The following TTBK1 variants were observed in gnomAD, a reference collection of about 807,000 sequenced individuals.
TTBK1 encodes tau-tubulin kinase 1.
A neutral mutation model predicts 108.5 loss-of-function variants in TTBK1; 34 were observed. That is an observed-to-expected ratio of 0.31 (90% CI 0.24 to 0.42). The LOEUF is 0.42. Among genes scored for constraint, TTBK1 ranks in the 10% least tolerant of loss-of-function variants. The probability of loss-of-function intolerance (pLI) is 1.00; values close to 1 mark genes in which losing one functional copy is unlikely to be tolerated. For synonymous variants in TTBK1, 809 were observed against 795.1 expected (o/e 1.02, Z -0.29); for missense variants, 1,539 against 1,826.0 (o/e 0.84, Z 2.86).
rs1437657710 is a variant in TTBK1 at position 43,246,758 on chromosome 6, G to A, written c.98G>A (p.Arg33His). The A allele has an allele frequency of 3.7e-6, 6 of 1,610,130 alleles. No individual in the cohort carries two copies. The highest frequency in any genetic ancestry group is 5.1e-6 in the Non-Finnish European group (6 of 1,178,070). Residue 33 changes from arginine (R) to histidine (H), a missense_variant, in exon 2 of 15, where the codon CGC becomes CAC. Transcript: ENST00000259750. ...ILPANYVVKD[R>H]WKVLKKIGGG... The stretch of plus-strand genomic sequence containing the variant: ...CCGGCCAACTACGTGGTCAAGGATC[G>A]CTGGAAGGTGGTGAGTGAGTGACCC...
rs370804677 is a variant in TTBK1 at position 43,259,889 on chromosome 6, G to A, written c.1424+183G>A. ...AGAGACAGGGCCTGGGAGAACCAGTGGGGGATCCAGAGAGGTCCCGGCTCA... is the reference window on the plus strand; with the variant it reads ...AGAGACAGGGCCTGGGAGAACCAGTAGGGGATCCAGAGAGGTCCCGGCTCA... On this transcript the variant is annotated intron_variant, in intron 12 of 14. Coordinates refer to ENST00000259750, the MANE Select transcript of TTBK1 (RefSeq NM_032538.3). The surrounding 1 kb of genome is among the most constrained non-coding windows in gnomAD (Gnocchi z 6.7). Among the ~76,000 whole-genome samples the A allele has an allele frequency of 2.0e-5, 3 of 152,204 alleles. No individual in the cohort carries two copies. Among genetic ancestry groups the A allele is most frequent in the African/African-American group, 7.2e-5 (3 of 41,460 alleles).
Position 43,253,336 on chromosome 6 carries a change from A to C in TTBK1, c.302A>C (p.Lys101Thr), listed in dbSNP as rs1333324479. ...TTCATTGGCTGTGGCAGGAACGAGAAGTTTAACTATGTAGTGATGCAGCTC... is the reference window on the plus strand; with the variant it reads ...TTCATTGGCTGTGGCAGGAACGAGACGTTTAACTATGTAGTGATGCAGCTC... ...CRFIGCGRNEKFNYVVMQLQG... is the reference protein window; with the variant it reads ...CRFIGCGRNETFNYVVMQLQG... The change falls in exon 4 of 15, where the codon AAG becomes ACG. Residue 101 changes from lysine to threonine, a missense_variant. By Grantham distance (78) the Lys-to-Thr change is moderately conservative. Coordinates refer to ENST00000259750, the MANE Select transcript of TTBK1 (RefSeq NM_032538.3). This position sits in a 1 kb window ranked among gnomAD's most constrained non-coding sequence, Gnocchi z 5.8. 6.2e-7 allele frequency: 1 copy of C among 1,614,094 alleles called. No individual in the cohort carries two copies. The highest frequency in any genetic ancestry group is 1.1e-5 in the South Asian group (1 of 91,070).
intron 13 of TTBK1, among the ~76,000 whole-genome samples, chr6:43,268,081 A>T (rs1400133712): frequency 2.0e-5 from 3 of 152,234 alleles, no homozygotes; most frequent in Non-Finnish European, 4.4e-5. Flanking sequence ...CACAGAGGTG[A>T]TATTTCAACT....
At position 43,263,137 on chromosome 6, in the gene TTBK1, C is replaced by T. The variant is rs1028657599; in HGVS notation, c.1773C>T (p.Pro591=). 1.3e-6 allele frequency: 2 copies of T among 1,567,760 alleles called. No homozygotes were observed. The highest frequency in any genetic ancestry group is 2.7e-5 in the African/African-American group (2 of 74,026). ...AGCGGCGGCGGCTGGGGGCAGAGCC[C>T]ACCGTCCGGCCCCGGGGACGCAGCA... ...GEERRRLGAE[P]TVRPRGRSMQ... Residue 591 remains proline, a synonymous_variant, in exon 13 of 15, where the codon CCC becomes CCT. Coordinates refer to ENST00000259750, the MANE Select transcript of TTBK1 (RefSeq NM_032538.3). This position sits in a 1 kb window ranked among gnomAD's most constrained non-coding sequence, Gnocchi z 4.7.
At position 43,252,895 on chromosome 6, in the gene TTBK1, C is replaced by T. The variant is rs980908616; in HGVS notation, c.256+9C>T. The T allele has an allele frequency of 1.1e-5, 17 of 1,612,736 alleles. No homozygotes were observed. The highest frequency in any genetic ancestry group is 1.4e-5 in the Non-Finnish European group (17 of 1,179,796). ...GCTCAAGAAGTTGCAAGGTTCGGGC[C>T]TCGGGCAGGGGGATGGGAAGGAAGA... is the stretch of plus-strand genomic sequence containing the variant. On this transcript the variant is annotated intron_variant, in intron 3 of 14. Coordinates refer to ENST00000259750, the MANE Select transcript of TTBK1 (RefSeq NM_032538.3).
rs142237955 is a variant in TTBK1 at position 43,276,061 on chromosome 6, G to A, written c.1987-6666G>A. 3.1e-3 allele frequency among the ~76,000 whole-genome samples: 479 copies of A among 152,216 alleles called. 3 individuals carry two copies. Among genetic ancestry groups the A allele is most frequent in the African/African-American group, 0.011 (451 of 41,524 alleles). On this transcript the variant is annotated intron_variant, in intron 13 of 14. Transcript: ENST00000259750. The surrounding 1 kb of genome is among the most constrained non-coding windows in gnomAD (Gnocchi z 5.4). ...CGCCTTCTAATTGCGGGGTGGGGGC[G>A]GAGTAGGGGAGGGATAGGAAGGGGA...
chr6:43,283,780 C>G lies in TTBK1; in HGVS notation c.3040C>G (p.Leu1014Val), dbSNP rs1778266069. 1 of 1,613,650 alleles carries G rather than the reference C, an allele frequency of 6.2e-7. No individual in the cohort carries two copies. The change falls in exon 14 of 15, where the codon CTG (leucine) becomes GTG (valine). Residue 1014 changes from leucine (L) to valine (V), a missense_variant. Around this residue, in one of 5 missense-constraint regions of TTBK1, gnomAD observed 1,055 missense variants for 1,086.5 expected, o/e 0.97. Coordinates refer to ENST00000259750, the MANE Select transcript of TTBK1 (RefSeq NM_032538.3). This position sits in a 1 kb window ranked among gnomAD's most constrained non-coding sequence, Gnocchi z 8.1. ...ETPSEMATNS[L>V]PNGPALADGP... is the part of the protein sequence containing the mutation. ...CCCCTCAGAGATGGCCACAAACTCA[C>G]TGCCCAATGGCCCGGCCCTTGCAGA...
chr6:43,272,681 A>G (rs1777865187), intron 13 of TTBK1: 1 of 985,166 alleles, frequency 1.0e-6, no homozygotes, highest in African/African-American at 1.7e-5. Flanking sequence ...GGAGATTGTT[A>G]AGGTCATCTA....
chr6:43,258,029 GTCCTC>G, intron 10 of TTBK1, 63 bp downstream of exon 10: 6 of 1,554,340 alleles, frequency 3.9e-6, no homozygotes, highest in Non-Finnish European at 4.4e-6. Flanking sequence ...AGGGCAGGCG[GTCCTC>G]TCCTCTCCTC....
rs768046163 is a variant in TTBK1 at position 43,246,714 on chromosome 6, G to C, written c.54G>C (p.Gly18=). 2 of 1,612,680 alleles carry C rather than the reference G, an allele frequency of 1.2e-6. No homozygotes were observed. The highest frequency in any genetic ancestry group is 1.7e-6 in the Non-Finnish European group (2 of 1,179,412). The part of the protein sequence containing the change: ...LKDETNMSGG[G]EQADILPANY... ...ACGAAACCAACATGAGTGGGGGAGG[G>C]GAGCAGGCCGACATCCTGCCGGCCA... Residue 18 remains glycine (G), a synonymous_variant, in exon 2 of 15, where the codon GGG becomes GGC. Coordinates refer to ENST00000259750, the MANE Select transcript of TTBK1 (RefSeq NM_032538.3).
At chr6:43,284,899 C>CT in intron 14 of TTBK1, 84 bp from the exon 15 acceptor site, 1 of 1,424,692 alleles carries the variant, frequency 7.0e-7, no homozygotes, top group Non-Finnish European at 9.1e-7. Flanking sequence ...CTCCAGTGCT[C>CT]AGTGCCCAGG....
At chr6:43,279,904 C>T (rs1265214073) in intron 13 of TTBK1, among the ~76,000 whole-genome samples, 5 of 151,226 alleles carry the variant, frequency 3.3e-5, no homozygotes, top group East Asian at 1.9e-4. Flanking sequence ...TGCACAACCA[C>T]GCCCAGCTAA....
At chr6:43,252,980 A>C in intron 3 of TTBK1, 94 bp downstream of exon 3, 1 of 1,467,420 alleles carries the variant, frequency 6.8e-7, no homozygotes, top group South Asian at 1.2e-5. Context: ...GAGGGAGGAG[A>C]TGTCGTGTGG....
At chr6:43,254,980 T>C in intron 6 of TTBK1, 69 bp from the exon 7 acceptor site, 3 of 1,462,448 alleles carry the variant, frequency 2.1e-6, no homozygotes, top group Non-Finnish European at 2.9e-6. Flanking sequence ...TTAGACTTGG[T>C]GGCAGGGTTG....
At chr6:43,256,208 T>A (rs1777377344) in intron 9 of TTBK1, among the ~76,000 whole-genome samples, 1 of 152,010 alleles carries the variant, frequency 6.6e-6, no homozygotes, top group Non-Finnish European at 1.5e-5. Flanking sequence ...TGATCTCTGT[T>A]CACTGCAACC....
intron 1 of TTBK1, among the ~76,000 whole-genome samples, chr6:43,245,408 A>C (rs1777059986): frequency 1.3e-5 from 2 of 152,188 alleles, no homozygotes; most frequent in Admixed American, 6.5e-5. Flanking sequence ...GGGTTGGCAG[A>C]AATCTCAGAA....
At chr6:43,264,641 G>C (rs924481752) in intron 13 of TTBK1, among the ~76,000 whole-genome samples, 1 of 152,166 alleles carries the variant, frequency 6.6e-6, no homozygotes, top group Non-Finnish European at 1.5e-5. Context: ...GAGTGAGAGG[G>C]AGAGGTCGGA....
chr6:43,245,323 A>G (rs1210902508), intron 1 of TTBK1, among the ~76,000 whole-genome samples: 4 of 151,500 alleles, frequency 2.6e-5, no homozygotes, highest in Non-Finnish European at 5.9e-5. Context: ...GGTCGTTGTG[A>G]GGGCACGGTA....
chr6:43,285,204 A>AGGCCC lies in TTBK1; in HGVS notation c.3802_3806dup (p.Val1270ProfsTer115). The AGGCCC allele has an allele frequency of 1.5e-6, 2 of 1,328,860 alleles. No individual in the cohort carries two copies. Among genetic ancestry groups the AGGCCC allele is most frequent in the Non-Finnish European group, 1.9e-6 (2 of 1,044,312 alleles). The allele number at this position is 1,328,860 out of a possible 1,614,324, so 82.3% of individuals were successfully genotyped here. On this transcript the variant is annotated frameshift_variant, in exon 15 of 15. Transcript: ENST00000259750. LOFTEE classifies it high-confidence loss of function. The surrounding 1 kb of genome is among the most constrained non-coding windows in gnomAD (Gnocchi z 4.7). ...AGAGAGAGCCCCTCCCCCTCGCACC[A>AGGCCC]GGCCCGGCCCGGGGTCCCCCCGCCC...
Sources: allele counts gnomAD v4.1 joint callset (sites outside exome capture counted in the v4.1 genomes callset), GRCh38; gene constraint gnomAD v4.1.1; regional missense constraint gnomAD v4.1.1; non-coding constraint Gnocchi (gnomAD v3.1); transcripts MANE v1.5; gene names NCBI Gene and HGNC (gene_info 2026-07-23, HGNC 2026-07-21).